The following DACH1 variants were observed in gnomAD, a reference collection of about 807,000 sequenced individuals.
DACH1 encodes the protein dachshund homolog 1.
In DACH1, 12 loss-of-function variants were observed where a neutral mutation model predicts 54.2. The observed-to-expected ratio is 0.22, with a 90% CI of 0.14 to 0.36. The LOEUF (loss-of-function observed/expected upper bound fraction) is 0.36, where lower values mean the gene tolerates loss of function less well. Ranked by LOEUF, DACH1 falls within the 10% of genes least tolerant of loss-of-function variation. The probability of loss-of-function intolerance (pLI) is 1.00; values close to 1 mark genes in which losing one functional copy is unlikely to be tolerated. For missense variants in DACH1, 805 were observed against 929.8 expected (o/e 0.87, Z 1.75); for synonymous variants, 386 against 366.2 (o/e 1.05, Z -0.62).
At chr13:71,693,759 T>G (rs983882686) in intron 1 of DACH1, among the ~76,000 whole-genome samples, 1 of 152,104 alleles carries the variant, frequency 6.6e-6, no homozygotes, top group South Asian at 2.1e-4. Context: ...CTTGTTCTAT[T>G]TTATTCTTGT....
intron 1 of DACH1, among the ~76,000 whole-genome samples, chr13:71,816,661 TGTATATATATACACAC>T (rs564503065): frequency 7.2e-4 from 18 of 24,912 alleles, no homozygotes; most frequent in Middle Eastern, 0.022. Flanking sequence ...TATATACACG[TGTATATATATACACAC>T]ATATATATAT....
Position 71,630,621 on chromosome 13 carries a change from T to C in DACH1, c.1061A>G (p.Asn354Ser). 6.2e-7 allele frequency: 1 copy of C among 1,612,062 alleles called. No homozygotes were observed. The highest frequency in any genetic ancestry group is 8.5e-7 in the Non-Finnish European group (1 of 1,179,334). ...ATGTTGGTTATTACTGGCATGATAG[T>C]TGCTCATGGCTTCTAATTTGATTTT... ...VKKIKLEAMSNYHASNNQHGA... is the reference protein window; with the variant it reads ...VKKIKLEAMSSYHASNNQHGA... Residue 354 changes from asparagine to serine, a missense_variant, in exon 3 of 11, where the codon AAC (asparagine) becomes AGC (serine). Physicochemically the swap from Asn to Ser is conservative, Grantham distance 46. Around this residue, in one of 3 missense-constraint regions of DACH1, gnomAD observed 472 missense variants for 545.3 expected, o/e 0.87. Coordinates refer to ENST00000613252, the MANE Select transcript of DACH1 (RefSeq NM_080759.6).
intron 2 of DACH1, among the ~76,000 whole-genome samples, chr13:71,666,627 C>T (rs1259600182): frequency 6.6e-6 from 1 of 151,938 alleles, no homozygotes; most frequent in African/African-American, 2.4e-5. Flanking sequence ...AAAAATATGT[C>T]CAGAGAATAA....
At chr13:71,740,037 C>T (rs1378934753) in intron 1 of DACH1, among the ~76,000 whole-genome samples, 1 of 152,162 alleles carries the variant, frequency 6.6e-6, no homozygotes, top group Non-Finnish European at 1.5e-5. Context: ...CTCATGAAAT[C>T]ATAATTATAT....
chr13:71,535,415 C>T lies in DACH1; in HGVS notation c.1570+21609G>A, dbSNP rs79705860. 7.0e-4 allele frequency among the ~76,000 whole-genome samples: 106 copies of T among 151,724 alleles called. 2 individuals carry two copies. In the East Asian group the frequency reaches 0.017, roughly 24 times the overall value. ...TTAAAATTTGGAATGTTATTGTTAA[C>T]CAAGAACTCAAAAATAAAGAGTGAT... is the stretch of plus-strand genomic sequence containing the variant. On this transcript the variant is annotated intron_variant, in intron 6 of 10. Transcript: ENST00000613252.
intron 6 of DACH1, among the ~76,000 whole-genome samples, chr13:71,547,329 A>T (rs192245837): frequency 6.6e-5 from 10 of 152,204 alleles, no homozygotes; most frequent in Admixed American, 6.6e-4. Context: ...TTAACAGTAA[A>T]TTAGGAATGT....
chr13:71,708,870 T>TG (rs11436353), intron 1 of DACH1, among the ~76,000 whole-genome samples: 1 of 136,378 alleles, frequency 7.3e-6, no homozygotes. Context: ...TTTTTTTTTT[T>TG]GAGACGGAGT....
chr13:71,647,898 C>T (rs1223652466), intron 2 of DACH1, among the ~76,000 whole-genome samples: 2 of 152,210 alleles, frequency 1.3e-5, no homozygotes, highest in Non-Finnish European at 2.9e-5. Flanking sequence ...CAACAGTTAA[C>T]CTGCAACTCC....
At chr13:71,813,736 T>C (rs548189944) in intron 1 of DACH1, among the ~76,000 whole-genome samples, 14 of 152,290 alleles carry the variant, frequency 9.2e-5, no homozygotes, top group Non-Finnish European at 1.6e-4. Context: ...ATGAGGCATG[T>C]CATATCAATA....
At chr13:71,452,357 G>A (rs914953381) in intron 10 of DACH1, among the ~76,000 whole-genome samples, 1 of 151,900 alleles carries the variant, frequency 6.6e-6, no homozygotes, top group African/African-American at 2.4e-5. Context: ...CAAACTCCTG[G>A]ACTCATGCGA....
intron 1 of DACH1, among the ~76,000 whole-genome samples, chr13:71,789,456 A>G (rs978898904): frequency 1.3e-5 from 2 of 152,134 alleles, no homozygotes; most frequent in Admixed American, 6.6e-5. Context: ...CATAAAAAGT[A>G]TTATTTCTGA....
Position 71,786,769 on chromosome 13 carries a change from A to T in DACH1, c.848+79153T>A, listed in dbSNP as rs563668984. On this transcript the variant is annotated intron_variant, in intron 1 of 10. Transcript: ENST00000613252. ...ATTATTTCATAAACTGAGTGACATA[A>T]AACTTCTATCAGAATTTCAGAGGGG... is the stretch of plus-strand genomic sequence containing the variant. Among the ~76,000 whole-genome samples, 13 of 152,268 alleles carry T rather than the reference A, an allele frequency of 8.5e-5. No homozygotes were observed. In the South Asian group the frequency reaches 2.5e-3, roughly 29 times the overall value.
At chr13:71,784,068 A>C (rs1043025212) in intron 1 of DACH1, among the ~76,000 whole-genome samples, 1 of 151,980 alleles carries the variant, frequency 6.6e-6, no homozygotes, top group Non-Finnish European at 1.5e-5. Flanking sequence ...TTTATGAAAT[A>C]GAGAGAGTAC....
At chr13:71,523,747 T>C (rs769536709) in intron 6 of DACH1, among the ~76,000 whole-genome samples, 23 of 152,132 alleles carry the variant, frequency 1.5e-4, no homozygotes, top group Admixed American at 4.6e-4. Flanking sequence ...TAAAATCTTA[T>C]TAATGTAATT....
intron 10 of DACH1, among the ~76,000 whole-genome samples, chr13:71,456,675 T>C (rs2138129262): frequency 6.6e-6 from 1 of 152,122 alleles, no homozygotes; most frequent in East Asian, 1.9e-4. Context: ...CATGGTCATC[T>C]ACATTGATTT....
intron 10 of DACH1, among the ~76,000 whole-genome samples, chr13:71,453,711 G>T (rs944039272): frequency 1.3e-5 from 2 of 152,102 alleles, no homozygotes; most frequent in Non-Finnish European, 2.9e-5. Flanking sequence ...GGTGAATAAA[G>T]TTCTACATCT....
At chr13:71,562,499 T>C (rs143264344) in intron 4 of DACH1, among the ~76,000 whole-genome samples, 4 of 152,228 alleles carry the variant, frequency 2.6e-5, no homozygotes, top group African/African-American at 9.6e-5. Context: ...ATAACATGTA[T>C]GCATTTGTTA....
intron 3 of DACH1, among the ~76,000 whole-genome samples, chr13:71,599,863 A>G (rs1051815838): frequency 5.3e-5 from 8 of 151,776 alleles, no homozygotes; most frequent in Non-Finnish European, 1.0e-4. Context: ...ACGCACACAC[A>G]TAAGATAATT....
intron 1 of DACH1, among the ~76,000 whole-genome samples, chr13:71,819,100 G>A (rs1401199994): frequency 1.3e-5 from 2 of 152,162 alleles, no homozygotes; most frequent in East Asian, 3.9e-4. Context: ...CTAAAAGGGA[G>A]AGGAGATCAA....
Sources: allele counts gnomAD v4.1 joint callset (sites outside exome capture counted in the v4.1 genomes callset), GRCh38; gene constraint gnomAD v4.1.1; regional missense constraint gnomAD v4.1.1; transcripts MANE v1.5; gene names NCBI Gene and HGNC (gene_info 2026-07-23, HGNC 2026-07-21).